CYP7B1: variants seen among roughly 807,000 people sequenced by gnomAD.
CYP7B1 encodes the protein cytochrome P450 family 7 subfamily B member 1.
A neutral mutation model predicts 42.7 loss-of-function variants in CYP7B1; 29 were observed. That is an observed-to-expected ratio of 0.68 (90% CI 0.51 to 0.93). The LOEUF is 0.93. Ranked by LOEUF, CYP7B1 falls within the 40% of genes least tolerant of loss-of-function variation. CYP7B1 has a pLI of 0.00. For synonymous variants in CYP7B1, 235 were observed against 218.2 expected (o/e 1.08, Z -0.68); for missense variants, 655 against 600.5 (o/e 1.09, Z -0.95).
intron 1 of CYP7B1, among the ~76,000 whole-genome samples, chr8:64,637,970 C>A (rs1032979178): frequency 6.6e-6 from 1 of 152,046 alleles, no homozygotes; most frequent in African/African-American, 2.4e-5. Context: ...TGACTTTATC[C>A]CTTTCATAGA....
rs1807889112 is a variant in CYP7B1, at chr8:64,761,457, A to AT, written c.122+37008dup. ...ATGTTAAACACTTTAAATATATATAATTTTTATTTACCAATTATGTGTCAA... is the reference window on the plus strand; with the variant it reads ...ATGTTAAACACTTTAAATATATATAATTTTTTATTTACCAATTATGTGTCAA... On this transcript the variant is annotated intron_variant, in intron 1 of 5. Transcript: ENST00000310193. Among the ~76,000 whole-genome samples, 3 of 152,240 alleles carry AT rather than the reference A, an allele frequency of 2.0e-5. No homozygotes were observed. In the South Asian group the frequency reaches 6.2e-4, roughly 32 times the overall value.
chr8:64,665,653 C>T (rs1585841856), intron 1 of CYP7B1, among the ~76,000 whole-genome samples: 1 of 138,452 alleles, frequency 7.2e-6, no homozygotes, highest in East Asian at 2.4e-4. Flanking sequence ...CTCAGCTCAC[C>T]ACAACCTCTG....
intron 1 of CYP7B1, among the ~76,000 whole-genome samples, chr8:64,654,058 A>G (rs1249037082): frequency 1.3e-5 from 2 of 152,224 alleles, no homozygotes; most frequent in Admixed American, 1.3e-4. Flanking sequence ...ACCTACAGCC[A>G]ACATCATACT....
chr8:64,591,570 AT>A lies in CYP7B1; in HGVS notation c.*5071del, dbSNP rs1160182959. On this transcript the variant is annotated 3_prime_UTR_variant, in exon 6 of 6. Transcript: ENST00000310193. ...AAGTCACTTGCAGAAAATTACCCAA[AT>A]TATTTTTATGATAAAATAAGCATTA... Among the ~76,000 whole-genome samples the A allele has an allele frequency of 3.3e-5, 5 of 152,190 alleles. No individual in the cohort carries two copies. The highest frequency in any genetic ancestry group is 7.4e-5 in the Non-Finnish European group (5 of 68,022).
chr8:64,661,714 G>C (rs2129631439), intron 1 of CYP7B1, among the ~76,000 whole-genome samples: 1 of 152,252 alleles, frequency 6.6e-6, no homozygotes, highest in East Asian at 1.9e-4. Context: ...TCTAATACTT[G>C]TTCCAGTTTT....
chr8:64,686,436 C>G (rs1246659209), intron 1 of CYP7B1, among the ~76,000 whole-genome samples: 1 of 40,276 alleles, frequency 2.5e-5, no homozygotes. Flanking sequence ...GGCCAGCCGC[C>G]CCGTCCGGGA....
chr8:64,770,243 T>C (rs1166770150), intron 1 of CYP7B1, among the ~76,000 whole-genome samples: 1 of 151,746 alleles, frequency 6.6e-6, no homozygotes, highest in Non-Finnish European at 1.5e-5. Context: ...CCTCTAAATC[T>C]CAAAAAAAAA....
At chr8:64,730,052 T>C (rs542852975) in intron 1 of CYP7B1, among the ~76,000 whole-genome samples, 26 of 152,206 alleles carry the variant, frequency 1.7e-4, no homozygotes, top group Non-Finnish European at 2.9e-4. Flanking sequence ...CTTTGCTGCA[T>C]TTTATTTTAT....
chr8:64,612,814 CAAG>C (rs752997653), intron 4 of CYP7B1, among the ~76,000 whole-genome samples: 1 of 151,976 alleles, frequency 6.6e-6, no homozygotes, highest in Non-Finnish European at 1.5e-5. Context: ...CTTAAGAAGA[CAAG>C]AAGGATAAGC....
At chr8:64,642,259 T>A (rs556589685) in intron 1 of CYP7B1, among the ~76,000 whole-genome samples, 4 of 150,594 alleles carry the variant, frequency 2.7e-5, no homozygotes, top group Admixed American at 2.0e-4. Context: ...TCTTCTATTT[T>A]AAATTTTTTT....
intron 1 of CYP7B1, among the ~76,000 whole-genome samples, chr8:64,717,593 C>T (rs143848770): frequency 6.6e-6 from 1 of 152,228 alleles, no homozygotes; most frequent in Non-Finnish European, 1.5e-5. Flanking sequence ...TGGCTCACAC[C>T]TGTAATCCCA....
chr8:64,779,788 A>C (rs564031404), intron 1 of CYP7B1, among the ~76,000 whole-genome samples: 8 of 152,304 alleles, frequency 5.3e-5, no homozygotes, highest in East Asian at 3.9e-4. Context: ...ACTAACGACC[A>C]AATGTGTGTA....
chr8:64,619,194 G>A (rs1805493014), intron 2 of CYP7B1, among the ~76,000 whole-genome samples: 1 of 152,176 alleles, frequency 6.6e-6, no homozygotes, highest in African/African-American at 2.4e-5. Flanking sequence ...TAATCAGACA[G>A]TTAGGAAAAC....
rs542611357 is a variant in CYP7B1 at position 64,674,153 on chromosome 8, C to T, written c.123-49614G>A. On this transcript the variant is annotated intron_variant, in intron 1 of 5. Transcript: ENST00000310193. ...TTAACTTTGTTAAAATTAAGTCTTA[C>T]TAGGAAGAATCGGCACAAAGAAATT... 6.6e-5 allele frequency among the ~76,000 whole-genome samples: 10 copies of T among 152,206 alleles called. No individual in the cohort carries two copies. In the East Asian group the frequency reaches 1.9e-3, roughly 29 times the overall value.
intron 1 of CYP7B1, among the ~76,000 whole-genome samples, chr8:64,635,847 G>T (rs1399616367): frequency 6.6e-6 from 1 of 152,152 alleles, no homozygotes; most frequent in Non-Finnish European, 1.5e-5. Flanking sequence ...TTTGTCTGTA[G>T]AATGTGCCTT....
intron 3 of CYP7B1, 55 bp from the exon 4 acceptor site, chr8:64,615,287 T>A (rs1333790811): frequency 2.0e-6 from 3 of 1,522,084 alleles, no homozygotes. Context: ...ACTGATTAGA[T>A]TTGCAGTGTG....
At chr8:64,694,487 G>A (rs1806794717) in intron 1 of CYP7B1, among the ~76,000 whole-genome samples, 1 of 152,112 alleles carries the variant, frequency 6.6e-6, no homozygotes, top group African/African-American at 2.4e-5. Flanking sequence ...GCAGAGGTAG[G>A]GTGGTAAATG....
chr8:64,758,477 A>T (rs532068855), intron 1 of CYP7B1, among the ~76,000 whole-genome samples: 39 of 152,294 alleles, frequency 2.6e-4, no homozygotes, highest in African/African-American at 8.2e-4. Flanking sequence ...CGGTTTTCTC[A>T]TCTATCAAAC....
chr8:64,630,666 G>T (rs1805682402), intron 1 of CYP7B1, among the ~76,000 whole-genome samples: 1 of 152,186 alleles, frequency 6.6e-6, no homozygotes, highest in South Asian at 2.1e-4. Context: ...ACTGCCAAAT[G>T]CCCAGATAAA....
Sources: gnomAD v4.1 joint callset for allele counts (sites outside exome capture counted in the v4.1 genomes callset) on GRCh38, gnomAD v4.1.1 for gene constraint, MANE v1.5 for transcripts, NCBI Gene and HGNC (gene_info 2026-07-23, HGNC 2026-07-21) for gene names.